Variants in PAG1 observed in about 807,000 individuals in gnomAD.
PAG1 encodes phosphoprotein membrane anchor with glycosphingolipid microdomains 1, also known as phosphoprotein associated with glycosphingolipid-enriched microdomains 1.
A neutral mutation model predicts 31.7 loss-of-function variants in PAG1; 23 were observed. The observed-to-expected ratio is 0.73, with a 90% CI of 0.52 to 1.03. The LOEUF is 1.03. Among genes scored for constraint, PAG1 ranks in the 50% least tolerant of loss-of-function variants. PAG1 has a pLI of 0.00. For missense variants in PAG1, 473 were observed against 540.7 expected, an observed-to-expected ratio of 0.87 and a Z score of 1.24; for synonymous variants, 214 against 210.3, an observed-to-expected ratio of 1.02 and a Z score of -0.15.
intron 1 of PAG1, among the ~76,000 whole-genome samples, chr8:81,109,048 C>T (rs909746379): frequency 2.6e-5 from 4 of 152,064 alleles, no homozygotes; most frequent in African/African-American, 9.7e-5. Flanking sequence ...AGACCACCAC[C>T]CTCCAGTGTA....
chr8:81,000,880 C>T (rs1807773072), intron 3 of PAG1, among the ~76,000 whole-genome samples: 1 of 152,200 alleles, frequency 6.6e-6, no homozygotes, highest in South Asian at 2.1e-4. Flanking sequence ...GGCCTGTCAA[C>T]TCCAGTAATC....
chr8:81,107,596 C>A (rs1809714145), intron 1 of PAG1, among the ~76,000 whole-genome samples: 1 of 152,196 alleles, frequency 6.6e-6, no homozygotes, highest in African/African-American at 2.4e-5. Context: ...TACTACCACA[C>A]AAGGTCACAG....
chr8:81,046,115 A>T (rs1808637808), intron 2 of PAG1, among the ~76,000 whole-genome samples: 1 of 152,226 alleles, frequency 6.6e-6, no homozygotes, highest in Non-Finnish European at 1.5e-5. Context: ...CCCTCATTTT[A>T]CAGATGATAA....
intron 8 of PAG1, among the ~76,000 whole-genome samples, chr8:80,979,433 C>T (rs1327097193): frequency 6.6e-6 from 1 of 152,026 alleles, no homozygotes; most frequent in Non-Finnish European, 1.5e-5. Context: ...TGGGTCTTGG[C>T]AATTGACTGT....
intron 3 of PAG1, among the ~76,000 whole-genome samples, chr8:81,024,344 A>C (rs987782307): frequency 6.6e-6 from 1 of 152,096 alleles, no homozygotes; most frequent in African/African-American, 2.4e-5. Flanking sequence ...TGATGTGAGG[A>C]TGCACAAAGG....
chr8:81,107,455 T>TA (rs1465451857), intron 1 of PAG1, among the ~76,000 whole-genome samples: 1 of 152,228 alleles, frequency 6.6e-6, no homozygotes, highest in Non-Finnish European at 1.5e-5. Flanking sequence ...GAACGTTCTA[T>TA]AAGTATCACG....
chr8:81,014,928 T>A (rs56011570), intron 3 of PAG1, among the ~76,000 whole-genome samples: 4,456 of 152,110 alleles, frequency 0.029, 206 homozygotes, highest in African/African-American at 0.1. Context: ...CAGGCTGAAG[T>A]CAGGAGGCAG....
intron 7 of PAG1, among the ~76,000 whole-genome samples, chr8:80,981,862 CTTTTTTTT>C (rs57438015): frequency 2.9e-5 from 3 of 103,426 alleles, no homozygotes; most frequent in Non-Finnish European, 3.5e-5. Flanking sequence ...ATCTCACTTC[CTTTTTTTT>C]TTTTTTTTTT....
chr8:81,055,353 A>C (rs1342100272), intron 2 of PAG1, among the ~76,000 whole-genome samples: 2 of 152,212 alleles, frequency 1.3e-5, no homozygotes, highest in African/African-American at 4.8e-5. Context: ...CATTTGGAGA[A>C]TTCAGTTTGG....
intron 2 of PAG1, among the ~76,000 whole-genome samples, chr8:81,040,401 G>C (rs531640852): frequency 6.6e-6 from 1 of 152,096 alleles, no homozygotes; most frequent in East Asian, 1.9e-4. Context: ...TGGTGGCTTA[G>C]CCATTTCACC....
chr8:80,990,947 T>C lies in PAG1; in HGVS notation c.177+532A>G, dbSNP rs1309936517. The stretch of plus-strand genomic sequence containing the variant: ...GGGCACTAGTCCAATATGTCTGGTG[T>C]CTTTATAAAATGGGGAAACTTGGAC... On this transcript the variant is annotated intron_variant, in intron 5 of 8. Transcript: ENST00000220597. This position sits in a 1 kb window ranked among gnomAD's most constrained non-coding sequence, Gnocchi z 5.1. 6.6e-6 allele frequency among the ~76,000 whole-genome samples: 1 copy of C among 151,238 alleles called. No individual in the cohort carries two copies. The highest frequency in any genetic ancestry group is 1.5e-5 in the Non-Finnish European group (1 of 67,962).
chr8:81,094,087 G>A (rs896133252), intron 1 of PAG1, among the ~76,000 whole-genome samples: 3 of 152,198 alleles, frequency 2.0e-5, no homozygotes, highest in Non-Finnish European at 4.4e-5. Context: ...AGCTGAGAGC[G>A]TGTGGTGGAG....
At position 80,984,800 on chromosome 8, in the gene PAG1, T is replaced by C; in HGVS notation, c.852A>G (p.Thr284=). 1 of 1,613,986 alleles carries C rather than the reference T, an allele frequency of 6.2e-7. No individual in the cohort carries two copies. Among genetic ancestry groups the C allele is most frequent in the Non-Finnish European group, 8.5e-7 (1 of 1,179,904 alleles). ...KEGGEAEESA[T]DTTSETNKRF... is the part of the protein sequence containing the mutation. ...CCTTGTTAGTTTCACTGGTCGTGTC[T>C]GTGGCACTCTCTTCCGCCTCTCCCC... is the stretch of plus-strand genomic sequence containing the variant. The change falls in exon 7 of 9, where the codon ACA becomes ACG. Residue 284 remains threonine (T), a synonymous_variant. Coordinates refer to ENST00000220597, the MANE Select transcript of PAG1 (RefSeq NM_018440.4).
rs532406915 is a variant in PAG1, at chr8:81,086,027, G to C, written c.-233-15857C>G. On this transcript the variant is annotated intron_variant, in intron 1 of 8. Transcript: ENST00000220597. ...GACGGAGTCTCGCTCTGTCGCCCAG[G>C]CTGGAGTGCAGTGGCGCGATCTCGG... Among the ~76,000 whole-genome samples the C allele has an allele frequency of 2.8e-3, 326 of 117,300 alleles. 2 individuals are homozygous for C. Among genetic ancestry groups the C allele is most frequent in the African/African-American group, 0.01 (309 of 29,566 alleles). The allele number at this position is 117,300 out of a possible 152,430, so 77.0% of individuals were successfully genotyped here. A position where few individuals can be genotyped will look rare whatever the true frequency, so the allele number is the denominator to read the frequency against.
chr8:80,997,484 C>T (rs1807703746), intron 3 of PAG1, among the ~76,000 whole-genome samples: 2 of 152,044 alleles, frequency 1.3e-5, no homozygotes, highest in South Asian at 2.1e-4. Flanking sequence ...GTTGCCAGGC[C>T]GGTATTGAAC....
chr8:80,996,399 G>A (rs1039705526), intron 3 of PAG1, among the ~76,000 whole-genome samples: 1 of 152,184 alleles, frequency 6.6e-6, no homozygotes, highest in African/African-American at 2.4e-5. Flanking sequence ...GAAGATCTGT[G>A]CACTGCTACC....
intron 1 of PAG1, among the ~76,000 whole-genome samples, chr8:81,100,829 T>G (rs190892212): frequency 1.3e-5 from 2 of 152,192 alleles, no homozygotes; most frequent in African/African-American, 4.8e-5. Flanking sequence ...CTAATTCTAA[T>G]ATAAGGCTGA....
chr8:81,043,963 T>C (rs1408322098), intron 2 of PAG1, among the ~76,000 whole-genome samples: 1 of 152,178 alleles, frequency 6.6e-6, no homozygotes, highest in Non-Finnish European at 1.5e-5. Context: ...AGATTTCTTT[T>C]TCTTCTTCTT....
intron 4 of PAG1, among the ~76,000 whole-genome samples, chr8:80,991,985 T>A (rs1807559929): frequency 6.6e-6 from 1 of 151,808 alleles, no homozygotes; most frequent in Non-Finnish European, 1.5e-5. Context: ...TCAGGGTGAG[T>A]CATATGTACT....
Sources: gnomAD v4.1 joint callset for allele counts (sites outside exome capture counted in the v4.1 genomes callset) on GRCh38, gnomAD v4.1.1 for gene constraint, Gnocchi (gnomAD v3.1) non-coding constraint, MANE v1.5 for transcripts, NCBI Gene and HGNC (gene_info 2026-07-23, HGNC 2026-07-21) for gene names.